The following BCL2L1 variants were observed in gnomAD, a reference collection of about 807,000 sequenced individuals.
The protein encoded by BCL2L1 is bcl-2-like protein 1.
BCL2L1 carries 1 observed loss-of-function variant against 18.7 expected under a neutral mutation model. The observed-to-expected ratio is 0.05, with a 90% CI of 0.02 to 0.25. The LOEUF is 0.25. BCL2L1 is among the 10% of genes least tolerant of loss of function. The probability of loss-of-function intolerance (pLI) is 1.00; values close to 1 mark genes in which losing one functional copy is unlikely to be tolerated. For synonymous variants in BCL2L1, 103 were observed against 122.7 expected (o/e 0.84, Z 1.06); for missense variants, 207 against 304.9 (o/e 0.68, Z 2.39).
chr20:31,667,086 T>C (rs1346252904), intron 2 of BCL2L1, among the ~76,000 whole-genome samples: 2 of 152,206 alleles, frequency 1.3e-5, no homozygotes, highest in Non-Finnish European at 2.9e-5. Flanking sequence ...GTCCAGGGAC[T>C]GGATCAAGGT....
At chr20:31,697,232 T>C (rs921935722) in intron 2 of BCL2L1, among the ~76,000 whole-genome samples, 1 of 152,110 alleles carries the variant, frequency 6.6e-6, no homozygotes, top group African/African-American at 2.4e-5. Flanking sequence ...CAATGGATGG[T>C]AGCTCTGTAG....
chr20:31,704,355 C>T (rs2061338132), intron 2 of BCL2L1, among the ~76,000 whole-genome samples: 1 of 152,130 alleles, frequency 6.6e-6, no homozygotes, highest in Admixed American at 6.6e-5. Flanking sequence ...CCACCTCGGC[C>T]TCCCAAAGTG....
At chr20:31,721,352 A>G (rs909419208) in intron 2 of BCL2L1, among the ~76,000 whole-genome samples, 3 of 152,212 alleles carry the variant, frequency 2.0e-5, no homozygotes, top group Non-Finnish European at 4.4e-5. Context: ...CTACCCTCAC[A>G]GGTTTGGGAC....
intron 2 of BCL2L1, among the ~76,000 whole-genome samples, chr20:31,704,772 GT>G (rs2061345180): frequency 6.6e-6 from 1 of 152,162 alleles, no homozygotes; most frequent in South Asian, 2.1e-4. Context: ...CCAATCTTCC[GT>G]TTACACAGGC....
intron 2 of BCL2L1, among the ~76,000 whole-genome samples, chr20:31,696,546 G>T (rs2061173955): frequency 6.6e-6 from 1 of 152,208 alleles, no homozygotes; most frequent in Non-Finnish European, 1.5e-5. Context: ...CCTTGCCACT[G>T]CTGGCGTACC....
chr20:31,683,769 CAAAAAAAAAAAAAAAAAAA>C (rs372160646), intron 2 of BCL2L1, among the ~76,000 whole-genome samples: 17 of 80,666 alleles, frequency 2.1e-4, no homozygotes, highest in East Asian at 1.9e-3. Flanking sequence ...AACTCCATCT[CAAAAAAAAAAAAAAAAAAA>C]AAAAAAAAAA....
intron 2 of BCL2L1, among the ~76,000 whole-genome samples, chr20:31,689,798 T>A (rs2061029276): frequency 6.6e-6 from 1 of 152,210 alleles, no homozygotes; most frequent in Non-Finnish European, 1.5e-5. Flanking sequence ...GGCGGATCAC[T>A]TGAGGTTGGG....
At chr20:31,677,268 G>A (rs1194558161) in intron 2 of BCL2L1, among the ~76,000 whole-genome samples, 1 of 147,466 alleles carries the variant, frequency 6.8e-6, no homozygotes, top group Non-Finnish European at 1.5e-5. Flanking sequence ...TGCAACCTCT[G>A]CCTCCCACGT....
upstream of BCL2L1, chr20:31,723,291 A>T (rs2061666563): frequency 1.0e-6 from 1 of 985,532 alleles, no homozygotes; most frequent in Non-Finnish European, 1.2e-6. Context: ...CCCGGACACA[A>T]TGGCCGCCGG....
At chr20:31,707,063 T>TC (rs2061377964) in intron 2 of BCL2L1, among the ~76,000 whole-genome samples, 1 of 152,170 alleles carries the variant, frequency 6.6e-6, no homozygotes, top group South Asian at 2.1e-4. Flanking sequence ...AATACTTAAC[T>TC]CATTAAGTCT....
chr20:31,718,681 T>C (rs1307188035), intron 2 of BCL2L1, among the ~76,000 whole-genome samples: 1 of 151,390 alleles, frequency 6.6e-6, no homozygotes, highest in Non-Finnish European at 1.5e-5. Context: ...AAGAAAAAAT[T>C]AATAAGCAGC....
intron 2 of BCL2L1, among the ~76,000 whole-genome samples, chr20:31,693,247 C>T (rs1442917702): frequency 2.0e-5 from 3 of 149,262 alleles, no homozygotes; most frequent in Admixed American, 6.7e-5. Flanking sequence ...GTAGGAGGAT[C>T]GCTTGAAGCC....
intron 2 of BCL2L1, among the ~76,000 whole-genome samples, chr20:31,685,579 C>T (rs988786104): frequency 2.0e-5 from 3 of 152,172 alleles, no homozygotes; most frequent in Non-Finnish European, 2.9e-5. Flanking sequence ...CGTGAGCTTA[C>T]TCCTGCTTTG....
chr20:31,720,149 C>T, intron 2 of BCL2L1: 1 of 985,398 alleles, frequency 1.0e-6, no homozygotes. Context: ...TATCTGACCT[C>T]TATTGACTTG....
chr20:31,687,538 G>A (rs1338440414), intron 2 of BCL2L1, among the ~76,000 whole-genome samples: 7 of 151,888 alleles, frequency 4.6e-5, no homozygotes, highest in African/African-American at 1.7e-4. Flanking sequence ...ATAGCCGGGT[G>A]TGGTGGCACG....
chr20:31,695,414 T>C (rs763534626), intron 2 of BCL2L1, among the ~76,000 whole-genome samples: 5 of 152,282 alleles, frequency 3.3e-5, no homozygotes, highest in Non-Finnish European at 7.3e-5. Flanking sequence ...CTGGCCATAC[T>C]GGCCAACTTG....
intron 2 of BCL2L1, among the ~76,000 whole-genome samples, chr20:31,670,588 T>C (rs1200582105): frequency 6.6e-6 from 1 of 152,222 alleles, no homozygotes; most frequent in East Asian, 1.9e-4. Context: ...CATTCTCATT[T>C]CAGTGCCATA....
intron 2 of BCL2L1, among the ~76,000 whole-genome samples, chr20:31,676,883 C>T (rs1189461856): frequency 3.9e-5 from 6 of 152,172 alleles, no homozygotes; most frequent in Admixed American, 1.3e-4. Context: ...CGGACAGCCC[C>T]GTTGGAAAAC....
chr20:31,697,447 T>C (rs2061192892), intron 2 of BCL2L1, among the ~76,000 whole-genome samples: 1 of 152,098 alleles, frequency 6.6e-6, no homozygotes, highest in African/African-American at 2.4e-5. Context: ...ACTTTCTTTT[T>C]TTTTTTTTTA....
Sources: gnomAD v4.1 joint callset for allele counts (sites outside exome capture counted in the v4.1 genomes callset) on GRCh38, gnomAD v4.1.1 for gene constraint, MANE v1.5 for transcripts, NCBI Gene and HGNC (gene_info 2026-07-23, HGNC 2026-07-21) for gene names.